Variants in ZNF525 observed in about 807,000 individuals in gnomAD.
The protein encoded by ZNF525 is zinc finger protein 525.
In ZNF525, 33 loss-of-function variants were observed where a neutral mutation model predicts 37.6. That is an observed-to-expected ratio of 0.88 (90% CI 0.67 to 1.17). ZNF525 has a LOEUF of 1.17. Ranked by LOEUF, ZNF525 falls within the 50% of genes most tolerant of loss-of-function variation. The pLI is 0.00. For synonymous variants in ZNF525, 170 were observed against 182.3 expected (o/e 0.93, Z 0.54); for missense variants, 449 against 543.1 (o/e 0.83, Z 1.72).
intron 3 of ZNF525, among the ~76,000 whole-genome samples, chr19:53,377,525 G>T (rs1600021650): frequency 6.6e-6 from 1 of 151,058 alleles, no homozygotes; most frequent in Admixed American, 6.6e-5. Flanking sequence ...TATATTTGTG[G>T]GTTGGAGTTA....
intron 1 of ZNF525, among the ~76,000 whole-genome samples, chr19:53,371,800 G>A (rs11667567): frequency 0.62 from 94,582 of 151,864 alleles, 30,278 homozygotes; most frequent in Non-Finnish European, 0.69. Flanking sequence ...GACATGCACC[G>A]CTATGCCTGG....
At chr19:53,367,073 G>A (rs548818048) in intron 1 of ZNF525, among the ~76,000 whole-genome samples, 1 of 152,200 alleles carries the variant, frequency 6.6e-6, no homozygotes, top group African/African-American at 2.4e-5. Context: ...TCCTTCCATA[G>A]CTGGTGGCCT....
intron 3 of ZNF525, chr19:53,376,435 GTA>G: frequency 1.7e-6 from 1 of 588,740 alleles, no homozygotes; most frequent in South Asian, 2.1e-5. Flanking sequence ...CATATTATCT[GTA>G]TTTCTTGATT....
At position 53,382,244 on chromosome 19, in the gene ZNF525, G is replaced by T; in HGVS notation, c.*225G>T. ...GTGAGAAACCTTACAGGTGTAATAGGTGTGGCAAGACCTTCAGTCATACAT... is the reference window on the plus strand; with the variant it reads ...GTGAGAAACCTTACAGGTGTAATAGTTGTGGCAAGACCTTCAGTCATACAT... On this transcript the variant is annotated 3_prime_UTR_variant, in exon 4 of 4. Coordinates refer to ENST00000474037, the MANE Select transcript of ZNF525 (RefSeq NM_001348156.2). 6.5e-7 allele frequency: 1 copy of T among 1,534,584 alleles called. No homozygotes were observed. Among genetic ancestry groups the T allele is most frequent in the Non-Finnish European group, 9.0e-7 (1 of 1,111,224 alleles).
intron 1 of ZNF525, among the ~76,000 whole-genome samples, chr19:53,367,041 C>A (rs1300858729): frequency 6.6e-6 from 1 of 152,132 alleles, no homozygotes; most frequent in Non-Finnish European, 1.5e-5. Flanking sequence ...GTCACGTAAT[C>A]TATAGCATAG....
intron 3 of ZNF525, among the ~76,000 whole-genome samples, chr19:53,379,630 C>G (rs2085545077): frequency 6.6e-6 from 1 of 152,146 alleles, no homozygotes; most frequent in African/African-American, 2.4e-5. Flanking sequence ...AGTTATTTTA[C>G]CAATTCATTT....
At chr19:53,376,654 C>T (rs568069922) in intron 3 of ZNF525, among the ~76,000 whole-genome samples, 87 of 152,210 alleles carry the variant, frequency 5.7e-4, no homozygotes, top group Non-Finnish European at 1.1e-3. Flanking sequence ...CTTGGCTCAC[C>T]GCAGCCGGCT....
In ZNF525 at chr19:53,384,977, A is replaced by G. The variant is rs570742594; in HGVS notation, c.*2958A>G. The G allele has an allele frequency of 5.1e-5, 36 of 702,426 alleles. No homozygotes were observed. The highest frequency in any genetic ancestry group is 1.3e-4 in the East Asian group (5 of 37,190). The allele number at this position is 702,426 out of a possible 1,614,324, so 43.5% of individuals were successfully genotyped here. On this transcript the variant is annotated 3_prime_UTR_variant, in exon 4 of 4. Transcript: ENST00000474037. ...CTTTTCTATTTTGTTTAGGATTTCT[A>G]TGATGACTGGATTTTGAATTTTGTG...
At position 53,376,393 on chromosome 19, in the gene ZNF525, A is replaced by G. The variant is rs192144584; in HGVS notation, c.142+497A>G. On this transcript the variant is annotated intron_variant, in intron 3 of 3. Transcript: ENST00000474037. ...AATATTTGCATTTGAAATATTACTG[A>G]TGCAGAAGACCTTACCATTGCCTTT... 31 of 683,794 alleles carry G rather than the reference A, an allele frequency of 4.5e-5. No individual in the cohort carries two copies. In the Admixed American group the frequency reaches 5.0e-4, roughly 11 times the overall value. 42.4% of individuals were successfully genotyped at this position (683,794 alleles called of 1,614,324 possible).
chr19:53,382,689 C>A lies in ZNF525; in HGVS notation c.*670C>A. 1.3e-6 allele frequency: 1 copy of A among 743,314 alleles called. No individual in the cohort carries two copies. Among genetic ancestry groups the A allele is most frequent in the Non-Finnish European group, 2.5e-6 (1 of 407,524 alleles). The allele number at this position is 743,314 out of a possible 1,614,324, so 46.0% of individuals were successfully genotyped here. A position where few individuals can be genotyped will look rare whatever the true frequency, so the allele number is the denominator to read the frequency against. On this transcript the variant is annotated 3_prime_UTR_variant, in exon 4 of 4. Transcript: ENST00000474037. ...CACCACGTCTTCAGTAATGCTACAA[C>A]TATTGCAAATCATTGGAGAATCCAT...
At chr19:53,367,904 G>A (rs556234231) in intron 1 of ZNF525, among the ~76,000 whole-genome samples, 89 of 152,246 alleles carry the variant, frequency 5.8e-4, no homozygotes, top group Non-Finnish European at 3.8e-4. Flanking sequence ...GTGGTTAAGC[G>A]TGTAAATCGG....
chr19:53,367,940 C>T (rs914196574), intron 1 of ZNF525, among the ~76,000 whole-genome samples: 2 of 152,136 alleles, frequency 1.3e-5, no homozygotes, highest in African/African-American at 4.8e-5. Flanking sequence ...TGACTTATCT[C>T]GTGCCCAGGT....
At chr19:53,370,338 G>C (rs2147064501) in intron 1 of ZNF525, among the ~76,000 whole-genome samples, 1 of 150,802 alleles carries the variant, frequency 6.6e-6, no homozygotes, top group East Asian at 2.0e-4. Context: ...AGAATGGTGT[G>C]AACGTGGGAA....
Position 53,383,324 on chromosome 19 carries a change from T to C in ZNF525, c.*1305T>C. The C allele has an allele frequency of 1.7e-6, 2 of 1,152,894 alleles. No individual in the cohort carries two copies. Among genetic ancestry groups the C allele is most frequent in the Middle Eastern group, 2.2e-4 (1 of 4,600 alleles). 71.4% of individuals were successfully genotyped at this position (1,152,894 alleles called of 1,614,324 possible). On this transcript the variant is annotated 3_prime_UTR_variant, in exon 4 of 4. Transcript: ENST00000474037. ...TCATACTGGAGAGAAACAAGCGTAA[T>C]GAATGTGGCGAGGTTTTCAATCAAC... is the stretch of plus-strand genomic sequence containing the variant.
In ZNF525 at chr19:53,382,582, C is replaced by A. The variant is rs2147075132; in HGVS notation, c.*563C>A. 1 of 670,026 alleles carries A rather than the reference C, an allele frequency of 1.5e-6. No individual in the cohort carries two copies. 41.5% of individuals were successfully genotyped at this position (670,026 alleles called of 1,614,324 possible). A position where few individuals can be genotyped will look rare whatever the true frequency, so the allele number is the denominator to read the frequency against. On this transcript the variant is annotated 3_prime_UTR_variant, in exon 4 of 4. Transcript: ENST00000474037. ...AACCTTAGAAGTGCAATGAGTGTGG[C>A]AAAACCTTTCATAGGCAGTCAGCGC...
intron 2 of ZNF525, among the ~76,000 whole-genome samples, chr19:53,372,685 G>A (rs1456855859): frequency 6.6e-6 from 1 of 152,176 alleles, no homozygotes; most frequent in East Asian, 1.9e-4. Flanking sequence ...AAAGTACGTG[G>A]TAAATTCCAG....
intron 3 of ZNF525, chr19:53,376,171 C>G: frequency 2.5e-6 from 2 of 800,884 alleles, no homozygotes; most frequent in South Asian, 1.4e-5. Flanking sequence ...TGGTCTTGAT[C>G]TCCTGGGCTC....
chr19:53,381,471 C>G lies in ZNF525; in HGVS notation c.892C>G (p.Pro298Ala). ...TCATCGACTTCATACTGGAGAGAAA[C>G]CTTACAAATGTGAAGAATGTGACAA... Reference protein sequence around the residue: ...YHHRLHTGEKPYKCEECDKAF... With the variant: ...YHHRLHTGEKAYKCEECDKAF... The change falls in exon 4 of 4, where the codon CCT becomes GCT. Residue 298 changes from proline to alanine, a missense_variant. Physicochemically the swap from Pro to Ala is conservative, Grantham distance 27 (BLOSUM62 -1). This residue lies in a region of ZNF525 where 271 missense variants were observed against 381.6 expected (regional missense o/e 0.71). Coordinates refer to ENST00000474037, the MANE Select transcript of ZNF525 (RefSeq NM_001348156.2). 1 of 1,430,406 alleles carries G rather than the reference C, an allele frequency of 7.0e-7. No homozygotes were observed. The allele number at this position is 1,430,406 out of a possible 1,614,324, so 88.6% of individuals were successfully genotyped here.
intron 2 of ZNF525, chr19:53,372,506 C>A: frequency 1.2e-6 from 1 of 833,880 alleles, no homozygotes; most frequent in South Asian, 1.4e-5. Flanking sequence ...TGGGCATGGT[C>A]TTGGGAAGGG....
Sources: allele counts gnomAD v4.1 joint callset (sites outside exome capture counted in the v4.1 genomes callset), GRCh38; gene constraint gnomAD v4.1.1; regional missense constraint gnomAD v4.1.1; transcripts MANE v1.5; gene names NCBI Gene and HGNC (gene_info 2026-07-23, HGNC 2026-07-21).